The following TBC1D23 variants were observed in gnomAD, a reference collection of about 807,000 sequenced individuals.
The protein encoded by TBC1D23 is TBC1 domain family member 23, also known as HCV non-structural protein 4A-transactivated protein 1.
In TBC1D23, 55 loss-of-function variants were observed where a neutral mutation model predicts 91.4. The observed-to-expected ratio is 0.60, with a 90% CI of 0.48 to 0.75. The LOEUF is 0.75. TBC1D23 is among the 30% of genes least tolerant of loss of function. TBC1D23 has a pLI of 0.00. For missense variants in TBC1D23, 725 were observed against 836.1 expected, an observed-to-expected ratio of 0.87 and a Z score of 1.64; for synonymous variants, 289 against 281.0, an observed-to-expected ratio of 1.03 and a Z score of -0.28.
intron 1 of TBC1D23, among the ~76,000 whole-genome samples, chr3:100,278,976 A>G (rs559350085): frequency 4.1e-4 from 62 of 152,300 alleles, no homozygotes; most frequent in Admixed American, 1.0e-3. Flanking sequence ...AAATAGTCTC[A>G]GGCTGCAGTG....
chr3:100,281,939 GA>G (rs2067698770), intron 3 of TBC1D23, 92 bp downstream of exon 3: 1 of 678,344 alleles, frequency 1.5e-6, no homozygotes, highest in Non-Finnish European at 2.5e-6. Flanking sequence ...TATAATTTCA[GA>G]ATTTGTAAAA....
intron 11 of TBC1D23, among the ~76,000 whole-genome samples, chr3:100,302,711 C>T (rs552187672): frequency 6.6e-5 from 10 of 152,246 alleles, no homozygotes; most frequent in Admixed American, 2.6e-4. Flanking sequence ...CTTAGCCTCT[C>T]GAGTAGCTGG....
At chr3:100,316,009 C>A in intron 15 of TBC1D23, 90 bp from the exon 16 acceptor site, 1 of 1,068,564 alleles carries the variant, frequency 9.4e-7, no homozygotes, top group Non-Finnish European at 1.4e-6. Flanking sequence ...GGAATAATTA[C>A]ATTTTGTGTG....
At chr3:100,285,820 T>C (rs2067736436) in intron 4 of TBC1D23, among the ~76,000 whole-genome samples, 1 of 152,248 alleles carries the variant, frequency 6.6e-6, no homozygotes. Flanking sequence ...TGGCTAATGA[T>C]GTTGAGCATC....
At chr3:100,305,518 G>T (rs1211347137) in intron 12 of TBC1D23, among the ~76,000 whole-genome samples, 1 of 152,104 alleles carries the variant, frequency 6.6e-6, no homozygotes, top group Non-Finnish European at 1.5e-5. Context: ...AGCTGTAAAT[G>T]CTGGGGAAAA....
chr3:100,278,096 T>C (rs777183690), intron 1 of TBC1D23, among the ~76,000 whole-genome samples: 3 of 152,224 alleles, frequency 2.0e-5, no homozygotes, highest in Non-Finnish European at 4.4e-5. Context: ...ATGAAATTTA[T>C]ACATTTAAAC....
At chr3:100,299,516 G>GT (rs897664278) in intron 10 of TBC1D23, among the ~76,000 whole-genome samples, 185 bp downstream of exon 10, 1 of 152,012 alleles carries the variant, frequency 6.6e-6, no homozygotes, top group African/African-American at 2.4e-5. Context: ...TGTTTTTGTT[G>GT]TTGTTTGTTT....
intron 14 of TBC1D23, 82 bp from the exon 15 acceptor site, chr3:100,311,751 A>C: frequency 1.1e-6 from 1 of 934,880 alleles, no homozygotes; most frequent in Non-Finnish European, 1.7e-6. Context: ...GAAAAACTAA[A>C]CTGTACCATA....
intron 13 of TBC1D23, 34 bp downstream of exon 13, chr3:100,306,577 G>C: frequency 7.5e-7 from 1 of 1,340,160 alleles, no homozygotes. Flanking sequence ...TACCGGATTT[G>C]GATAAGTTCC....
chr3:100,273,717 A>G (rs996909233), intron 1 of TBC1D23, among the ~76,000 whole-genome samples: 1 of 152,192 alleles, frequency 6.6e-6, no homozygotes, highest in African/African-American at 2.4e-5. Context: ...ATAAGACTGC[A>G]CACCTACAAC....
intron 16 of TBC1D23, among the ~76,000 whole-genome samples, chr3:100,316,944 A>G (rs1705759115): frequency 6.6e-6 from 1 of 152,034 alleles, no homozygotes; most frequent in Admixed American, 6.6e-5. Context: ...TTAGCTGGGC[A>G]TGGGAGTGCA....
chr3:100,279,027 C>G (rs530020297), intron 1 of TBC1D23, among the ~76,000 whole-genome samples: 1 of 152,258 alleles, frequency 6.6e-6, no homozygotes, highest in African/African-American at 2.4e-5. Flanking sequence ...GTTAAGAACA[C>G]GAATTCAGGA....
At chr3:100,300,498 A>ATTTT (rs66553332) in intron 10 of TBC1D23, among the ~76,000 whole-genome samples, 3 of 125,418 alleles carry the variant, frequency 2.4e-5, no homozygotes, top group East Asian at 2.4e-4. Flanking sequence ...ACTTGAATTA[A>ATTTT]TTTTTTTTTT....
intron 1 of TBC1D23, among the ~76,000 whole-genome samples, chr3:100,275,107 G>T (rs928620806): frequency 6.6e-6 from 1 of 152,142 alleles, no homozygotes; most frequent in South Asian, 2.1e-4. Context: ...CTGTCATACC[G>T]TTTTCCATAG....
At chr3:100,279,826 T>C in intron 2 of TBC1D23, 66 bp downstream of exon 2, 2 of 992,956 alleles carry the variant, frequency 2.0e-6, no homozygotes, top group East Asian at 2.6e-5. Context: ...AGTTTGTTGC[T>C]TCAGATGTCT....
At chr3:100,285,925 T>G (rs961652003) in intron 4 of TBC1D23, among the ~76,000 whole-genome samples, 13 of 147,710 alleles carry the variant, frequency 8.8e-5, no homozygotes, top group South Asian at 4.3e-4. Flanking sequence ...TAGAGTTTTG[T>G]TTTTTTTTTT....
chr3:100,298,009 C>A lies in TBC1D23; in HGVS notation c.963C>A (p.Ser321=). The A allele has an allele frequency of 6.2e-7, 1 of 1,612,996 alleles. No homozygotes were observed. The highest frequency in any genetic ancestry group is 1.1e-5 in the South Asian group (1 of 90,988). ...DLSQALCLAI[S]VSEILQANQL... ...GTCAGGCTCTTTGTCTGGCCATCTC[C>A]GTGTCAGAGATCCTTCAAGCGAATC... Residue 321 remains serine (S), a synonymous_variant, in exon 9 of 19, where the codon TCC becomes TCA. Transcript: ENST00000394144.
chr3:100,272,935 A>G (rs1285580201), intron 1 of TBC1D23, among the ~76,000 whole-genome samples: 2 of 152,212 alleles, frequency 1.3e-5, no homozygotes, highest in African/African-American at 2.4e-5. Context: ...TTATACCGAG[A>G]CATTCCATTG....
chr3:100,269,535 C>T (rs1333688700), intron 1 of TBC1D23, among the ~76,000 whole-genome samples: 5 of 152,126 alleles, frequency 3.3e-5, no homozygotes, highest in Admixed American at 3.3e-4. Flanking sequence ...TATTGAAATA[C>T]TTGGAAAGTT....
Sources: gnomAD v4.1 joint callset for allele counts (sites outside exome capture counted in the v4.1 genomes callset) on GRCh38, gnomAD v4.1.1 for gene constraint, MANE v1.5 for transcripts, NCBI Gene and HGNC (gene_info 2026-07-23, HGNC 2026-07-21) for gene names.